MPHOSPH6: variants seen among roughly 807,000 people sequenced by gnomAD.
MPHOSPH6 encodes the protein M-phase phosphoprotein 6.
MPHOSPH6 carries 25 observed loss-of-function variants against 21.8 expected under a neutral mutation model. That is an observed-to-expected ratio of 1.15 (90% CI 0.83 to 1.60). MPHOSPH6 has a LOEUF of 1.60. Among genes scored for constraint, MPHOSPH6 ranks in the 40% most tolerant of loss-of-function variants. The pLI, the probability that MPHOSPH6 is intolerant of heterozygous loss-of-function variation, is 0.00. For missense variants in MPHOSPH6, 269 were observed against 181.8 expected, an observed-to-expected ratio of 1.48 and a Z score of -2.76; for synonymous variants, 84 against 56.5, an observed-to-expected ratio of 1.49 and a Z score of -2.18.
At chr16:82,159,084 C>A (rs1409043182) in intron 2 of MPHOSPH6, among the ~76,000 whole-genome samples, 1 of 152,170 alleles carries the variant, frequency 6.6e-6, no homozygotes, top group Non-Finnish European at 1.5e-5. Context: ...CTGAAAAGGC[C>A]ATTGAGATAC....
chr16:82,159,417 T>G (rs752601104), intron 2 of MPHOSPH6, among the ~76,000 whole-genome samples: 4 of 152,236 alleles, frequency 2.6e-5, no homozygotes, highest in Admixed American at 2.6e-4. Context: ...ATAAATTTTT[T>G]TTTTTGAGAT....
At chr16:82,170,056 C>T (rs1906920940) in intron 1 of MPHOSPH6, 69 bp downstream of exon 1, 3 of 1,516,996 alleles carry the variant, frequency 2.0e-6, no homozygotes, top group Non-Finnish European at 2.7e-6. Flanking sequence ...CCCGCCGCCT[C>T]GGCCCCGGCC....
intron 2 of MPHOSPH6, among the ~76,000 whole-genome samples, chr16:82,153,045 C>T (rs772746473): frequency 2.0e-5 from 3 of 151,994 alleles, no homozygotes; most frequent in East Asian, 1.9e-4. Context: ...GAGAACTGCT[C>T]GCATCCCAGA....
chr16:82,149,906 C>G (rs1343902837), intron 3 of MPHOSPH6, among the ~76,000 whole-genome samples: 1 of 94,590 alleles, frequency 1.1e-5, no homozygotes, highest in Non-Finnish European at 2.6e-5. Context: ...CAGCCTTACC[C>G]TCCTAAACTT....
At chr16:82,153,766 C>T (rs907048335) in intron 2 of MPHOSPH6, among the ~76,000 whole-genome samples, 3 of 152,168 alleles carry the variant, frequency 2.0e-5, no homozygotes, top group Non-Finnish European at 2.9e-5. Flanking sequence ...GCTGCATTAG[C>T]TTCCTGTGGC....
chr16:82,148,948 C>A, intron 4 of MPHOSPH6, 85 bp from the exon 5 acceptor site: 3 of 1,479,380 alleles, frequency 2.0e-6, no homozygotes, highest in African/African-American at 1.4e-5. Context: ...ACCAAATATG[C>A]AATAAAAAAG....
At chr16:82,152,925 C>T (rs1426835472) in intron 2 of MPHOSPH6, among the ~76,000 whole-genome samples, 3 of 152,178 alleles carry the variant, frequency 2.0e-5, no homozygotes, top group Admixed American at 6.5e-5. Context: ...ACTTATTAAA[C>T]CAAACTGTGT....
intron 2 of MPHOSPH6, among the ~76,000 whole-genome samples, chr16:82,152,613 C>T (rs1343753421): frequency 6.6e-6 from 1 of 152,142 alleles, no homozygotes; most frequent in African/African-American, 2.4e-5. Flanking sequence ...TAGGTGGTTG[C>T]ACCAGAACCA....
intron 2 of MPHOSPH6, among the ~76,000 whole-genome samples, chr16:82,160,130 T>G (rs2142413028): frequency 6.6e-6 from 1 of 152,320 alleles, no homozygotes; most frequent in East Asian, 1.9e-4. Flanking sequence ...ACACCGTATC[T>G]TTAATATAAA....
chr16:82,154,460 A>T (rs1906365547), intron 2 of MPHOSPH6, among the ~76,000 whole-genome samples: 1 of 152,178 alleles, frequency 6.6e-6, no homozygotes, highest in African/African-American at 2.4e-5. Flanking sequence ...GAAGCAAGAA[A>T]ATGTAATCCC....
chr16:82,149,243 G>T, intron 4 of MPHOSPH6, 66 bp downstream of exon 4: 1 of 1,490,300 alleles, frequency 6.7e-7, no homozygotes, highest in Non-Finnish European at 9.3e-7. Context: ...GGGGTAAGAG[G>T]AGCATTCCTG....
At chr16:82,152,712 C>T (rs958831514) in intron 2 of MPHOSPH6, among the ~76,000 whole-genome samples, 2 of 152,154 alleles carry the variant, frequency 1.3e-5, no homozygotes, top group East Asian at 1.9e-4. Flanking sequence ...GGGCAGGTTG[C>T]GTTCCCTGGA....
intron 1 of MPHOSPH6, among the ~76,000 whole-genome samples, chr16:82,164,459 G>A (rs1161878363): frequency 6.6e-6 from 1 of 152,226 alleles, no homozygotes; most frequent in Admixed American, 6.5e-5. Flanking sequence ...ACATTCGAAG[G>A]TCTTGTGCTC....
intron 2 of MPHOSPH6, among the ~76,000 whole-genome samples, chr16:82,162,612 C>T (rs148170541): frequency 6.6e-6 from 1 of 152,184 alleles, no homozygotes; most frequent in Non-Finnish European, 1.5e-5. Flanking sequence ...ACTCTGCAAG[C>T]TCAGGTGGTA....
At position 82,154,929 on chromosome 16, in the gene MPHOSPH6, C is replaced by CA. The variant is rs534890522; in HGVS notation, c.165-3416_165-3415insT. On this transcript the variant is annotated intron_variant, in intron 2 of 4. Transcript: ENST00000258169. ...AAAGACATTACAATAACTCTACAGT[C>CA]TAATATCTTTTTTAAATATAGATGT... is the stretch of plus-strand genomic sequence containing the variant. Among the ~76,000 whole-genome samples the CA allele has an allele frequency of 8.5e-5, 13 of 152,184 alleles. No homozygotes were observed. The East Asian group carries it at 2.3e-3, about 27-fold the overall frequency.
At chr16:82,160,736 C>A (rs1014390637) in intron 2 of MPHOSPH6, among the ~76,000 whole-genome samples, 1 of 152,150 alleles carries the variant, frequency 6.6e-6, no homozygotes, top group South Asian at 2.1e-4. Flanking sequence ...AGAGAAATGA[C>A]GCAAACTTGA....
Position 82,164,138 on chromosome 16 carries a change from C to A in MPHOSPH6, c.108G>T (p.Lys36Asn). 6.2e-7 allele frequency: 1 copy of A among 1,612,714 alleles called. No homozygotes were observed. Among genetic ancestry groups the A allele is most frequent in the South Asian group, 1.1e-5 (1 of 91,074 alleles). ...ACCAGTGCTCTTCACTAATGATTTT[C>A]TTTTCTTCTTCTTCTAGTTGTTTCT... ...ETKKQLEEEE[K>N]KIISEEHWYL... Residue 36 changes from lysine to asparagine, a missense_variant, in exon 2 of 5, where the codon AAG becomes AAT. By Grantham distance (94) the Lys-to-Asn change is moderately conservative (BLOSUM62 0). Coordinates refer to ENST00000258169, the MANE Select transcript of MPHOSPH6 (RefSeq NM_005792.2).
At chr16:82,163,939 AT>A (rs773500209) in intron 2 of MPHOSPH6, 142 bp downstream of exon 2, 27 of 588,276 alleles carry the variant, frequency 4.6e-5, no homozygotes, top group Non-Finnish European at 7.4e-5. Context: ...TAGGTTTAAT[AT>A]TTTTTAGTTG....
chr16:82,154,650 G>A (rs969360704), intron 2 of MPHOSPH6, among the ~76,000 whole-genome samples: 2 of 151,310 alleles, frequency 1.3e-5, no homozygotes, highest in Non-Finnish European at 2.9e-5. Context: ...TATAATTAAG[G>A]GAAAAAACAA....
Sources: allele counts gnomAD v4.1 joint callset (sites outside exome capture counted in the v4.1 genomes callset), GRCh38; gene constraint gnomAD v4.1.1; transcripts MANE v1.5; gene names NCBI Gene and HGNC (gene_info 2026-07-23, HGNC 2026-07-21).